Variants in KSR2 observed in about 807,000 individuals in gnomAD.
KSR2 encodes the protein kinase suppressor of ras 2.
Under a neutral mutation model 107.8 loss-of-function variants are expected in KSR2, and 25 were observed. That is an observed-to-expected ratio of 0.23 (90% CI 0.17 to 0.32). KSR2 has a LOEUF of 0.32. Ranked by LOEUF, KSR2 falls within the 10% of genes least tolerant of loss-of-function variation. The probability of loss-of-function intolerance (pLI) is 1.00; values close to 1 mark genes in which losing one functional copy is unlikely to be tolerated. For synonymous variants in KSR2, 480 were observed against 507.0 expected (o/e 0.95, Z 0.71); for missense variants, 887 against 1,268.9 (o/e 0.70, Z 4.57).
intron 4 of KSR2, among the ~76,000 whole-genome samples, chr12:117,707,317 G>A (rs1886566381): frequency 6.6e-6 from 1 of 152,138 alleles, no homozygotes; most frequent in Admixed American, 6.5e-5. Flanking sequence ...GTTTTAAAAT[G>A]GATTGTGGTG....
intron 16 of KSR2, among the ~76,000 whole-genome samples, chr12:117,482,393 T>C (rs555349060): frequency 6.6e-6 from 1 of 152,304 alleles, no homozygotes; most frequent in African/African-American, 2.4e-5. Flanking sequence ...ATACCTTGTT[T>C]TAAGCCACTA....
Position 117,937,390 on chromosome 12 carries a change from C to T in KSR2, c.180+30686G>A, listed in dbSNP as rs545869042. Among the ~76,000 whole-genome samples the T allele has an allele frequency of 7.2e-5, 11 of 152,022 alleles. No homozygotes were observed. In the East Asian group the frequency reaches 1.4e-3, roughly 19 times the overall value. ...CACCCTACCCTTCTCAAGATCTTGC[C>T]CATCTATTATTATTATTATTACTAT... is the stretch of plus-strand genomic sequence containing the variant. On this transcript the variant is annotated intron_variant, in intron 1 of 19. Coordinates refer to ENST00000339824, the MANE Select transcript of KSR2 (RefSeq NM_173598.6).
At chr12:117,903,623 G>A (rs918910786) in intron 1 of KSR2, among the ~76,000 whole-genome samples, 6 of 152,166 alleles carry the variant, frequency 3.9e-5, no homozygotes, top group African/African-American at 1.4e-4. Context: ...CTTGCAATCT[G>A]TATCACTGAT....
intron 5 of KSR2, among the ~76,000 whole-genome samples, chr12:117,610,214 A>T (rs1881516969): frequency 6.6e-6 from 1 of 152,206 alleles, no homozygotes; most frequent in Non-Finnish European, 1.5e-5. Flanking sequence ...AATATAATTC[A>T]ATAGCCTTGG....
intron 4 of KSR2, among the ~76,000 whole-genome samples, chr12:117,747,994 C>A (rs752643221): frequency 4.6e-5 from 7 of 152,202 alleles, no homozygotes; most frequent in Non-Finnish European, 8.8e-5. Flanking sequence ...AAAGAGATAT[C>A]TGCACTACCA....
intron 5 of KSR2, among the ~76,000 whole-genome samples, chr12:117,656,193 C>T (rs1048343826): frequency 6.6e-6 from 1 of 152,186 alleles, no homozygotes; most frequent in Non-Finnish European, 1.5e-5. Context: ...AAAATATCTT[C>T]ATTTTATTTC....
intron 1 of KSR2, among the ~76,000 whole-genome samples, chr12:117,940,267 T>C (rs1349041578): frequency 1.3e-5 from 2 of 152,210 alleles, no homozygotes; most frequent in Non-Finnish European, 2.9e-5. Context: ...ATATCTTCAG[T>C]GACAAGACAA....
At chr12:117,736,695 TC>T (rs1359958958) in intron 4 of KSR2, among the ~76,000 whole-genome samples, 4 of 151,524 alleles carry the variant, frequency 2.6e-5, no homozygotes, top group African/African-American at 9.7e-5. Flanking sequence ...TGCCTGTAGT[TC>T]CAGCTACTCA....
chr12:117,844,256 C>T (rs1356648333), intron 3 of KSR2, among the ~76,000 whole-genome samples: 1 of 152,020 alleles, frequency 6.6e-6, no homozygotes, highest in Admixed American at 6.6e-5. Context: ...CTTGGATGTT[C>T]CAGCCCAGTC....
chr12:117,966,617 G>GCACT (rs1353712868), intron 1 of KSR2, among the ~76,000 whole-genome samples: 1 of 130,550 alleles, frequency 7.7e-6, no homozygotes. Context: ...TCTCTCACAC[G>GCACT]CGCACGCACA....
At chr12:117,496,220 A>G (rs1428548758) in intron 14 of KSR2, among the ~76,000 whole-genome samples, 1 of 152,148 alleles carries the variant, frequency 6.6e-6, no homozygotes, top group Non-Finnish European at 1.5e-5. Context: ...TCTAGGCTTC[A>G]TAGGGAGGGA....
chr12:117,854,104 A>C (rs540965900), intron 3 of KSR2, among the ~76,000 whole-genome samples: 1 of 152,270 alleles, frequency 6.6e-6, no homozygotes, highest in African/African-American at 2.4e-5. Context: ...TCCTGGGCTC[A>C]AGTGATCCAC....
chr12:117,794,014 GCA>G (rs1261438065), intron 3 of KSR2, among the ~76,000 whole-genome samples: 14 of 71,372 alleles, frequency 2.0e-4, no homozygotes, highest in Admixed American at 1.9e-4. Context: ...ACACCAACAT[GCA>G]CACTCACACC....
chr12:117,700,992 G>A (rs1025496370), intron 4 of KSR2, among the ~76,000 whole-genome samples: 3 of 152,170 alleles, frequency 2.0e-5, no homozygotes, highest in Admixed American at 2.0e-4. Flanking sequence ...CTTGCTAGAT[G>A]ACTGGGGAAA....
chr12:117,852,512 T>C (rs1250165161), intron 3 of KSR2, among the ~76,000 whole-genome samples: 1 of 152,058 alleles, frequency 6.6e-6, no homozygotes, highest in Non-Finnish European at 1.5e-5. Context: ...AAAAAATGAC[T>C]ATTCTTCCCC....
At chr12:117,818,950 C>G (rs900631435) in intron 3 of KSR2, among the ~76,000 whole-genome samples, 2 of 152,076 alleles carry the variant, frequency 1.3e-5, no homozygotes, top group Non-Finnish European at 2.9e-5. Flanking sequence ...CTTTGCTGAC[C>G]AGGGCAGCCC....
At chr12:117,603,672 G>A (rs376724641) in intron 5 of KSR2, among the ~76,000 whole-genome samples, 59 of 152,256 alleles carry the variant, frequency 3.9e-4, no homozygotes, top group African/African-American at 1.4e-3. Flanking sequence ...GGCCAAAAGG[G>A]GCAAAATGAG....
At chr12:117,660,802 G>A (rs1884402237) in intron 5 of KSR2, among the ~76,000 whole-genome samples, 1 of 152,214 alleles carries the variant, frequency 6.6e-6, no homozygotes, top group Non-Finnish European at 1.5e-5. Flanking sequence ...CACACGTGCA[G>A]TCCCTTAAGG....
intron 4 of KSR2, among the ~76,000 whole-genome samples, chr12:117,752,509 C>T (rs920781748): frequency 6.6e-6 from 1 of 152,088 alleles, no homozygotes; most frequent in African/African-American, 2.4e-5. Flanking sequence ...TTCATATATG[C>T]CTACAAACAT....
Sources: gnomAD v4.1 joint callset for allele counts (sites outside exome capture counted in the v4.1 genomes callset) on GRCh38, gnomAD v4.1.1 for gene constraint, MANE v1.5 for transcripts, NCBI Gene and HGNC (gene_info 2026-07-23, HGNC 2026-07-21) for gene names.